The following BICC1 variants were observed in gnomAD, a reference collection of about 807,000 sequenced individuals.
BICC1 encodes the protein protein bicaudal C homolog 1.
BICC1 carries 43 observed loss-of-function variants against 111.0 expected under a neutral mutation model. That is an observed-to-expected ratio of 0.39 (90% CI 0.30 to 0.50). The LOEUF is 0.50. Ranked by LOEUF, BICC1 falls within the 20% of genes least tolerant of loss-of-function variation. The probability of loss-of-function intolerance (pLI) is 0.88; values close to 1 mark genes in which losing one functional copy is unlikely to be tolerated. For synonymous variants in BICC1, 467 were observed against 434.4 expected, an observed-to-expected ratio of 1.07 and a Z score of -0.93; for missense variants, 1,091 against 1,203.2, an observed-to-expected ratio of 0.91 and a Z score of 1.38.
chr10:58,810,864 C>A (rs1843880551), intron 17 of BICC1, among the ~76,000 whole-genome samples: 1 of 152,120 alleles, frequency 6.6e-6, no homozygotes, highest in Non-Finnish European at 1.5e-5. Context: ...GAATGCCGAT[C>A]TGTAAAAAGA....
intron 2 of BICC1, among the ~76,000 whole-genome samples, chr10:58,652,177 A>G (rs1395871424): frequency 6.6e-6 from 1 of 152,134 alleles, no homozygotes; most frequent in African/African-American, 2.4e-5. Flanking sequence ...AAGAAACTAG[A>G]TGAACATAAC....
rs141088950 is a variant in BICC1 at position 58,519,110 on chromosome 10, A to G, written c.190+5777A>G. On this transcript the variant is annotated intron_variant, in intron 1 of 20. Coordinates refer to ENST00000373886, the MANE Select transcript of BICC1 (RefSeq NM_001080512.3). The stretch of plus-strand genomic sequence containing the variant: ...CAGTCCAGGCTCCAAGAGCTGCTCA[A>G]GGGCATCAGGAGCCCCGTGTCTTCC... 1.7e-3 allele frequency among the ~76,000 whole-genome samples: 263 copies of G among 152,314 alleles called. 2 individuals carry two copies. Among genetic ancestry groups the G allele is most frequent in the Middle Eastern group, 6.8e-3 (2 of 294 alleles).
intron 1 of BICC1, among the ~76,000 whole-genome samples, chr10:58,542,961 G>C (rs1843035072): frequency 6.6e-6 from 1 of 151,956 alleles, no homozygotes; most frequent in Non-Finnish European, 1.5e-5. Context: ...TGATATAGAG[G>C]CTCCTCAAAA....
At chr10:58,637,248 G>A (rs2132196596) in intron 2 of BICC1, among the ~76,000 whole-genome samples, 1 of 152,278 alleles carries the variant, frequency 6.6e-6, no homozygotes, top group South Asian at 2.1e-4. Context: ...AAGTTCTCAT[G>A]TAATAGGATA....
At chr10:58,635,068 A>G (rs1005015055) in intron 2 of BICC1, among the ~76,000 whole-genome samples, 9 of 152,192 alleles carry the variant, frequency 5.9e-5, no homozygotes, top group Non-Finnish European at 1.0e-4. Context: ...CTGTTGTTCA[A>G]GAGTCAACTG....
At chr10:58,626,536 A>G (rs1431723361) in intron 2 of BICC1, among the ~76,000 whole-genome samples, 1 of 152,170 alleles carries the variant, frequency 6.6e-6, no homozygotes, top group Non-Finnish European at 1.5e-5. Context: ...AGGGTTAGTG[A>G]GAAGAGATTA....
At chr10:58,577,392 G>A (rs1844144242) in intron 1 of BICC1, among the ~76,000 whole-genome samples, 2 of 152,148 alleles carry the variant, frequency 1.3e-5, no homozygotes, top group Admixed American at 6.6e-5. Flanking sequence ...AAAAGATAGG[G>A]AGTCGAGACT....
rs1258577978 is a variant in BICC1, at chr10:58,729,983, T to C, written c.307+27840T>C. On this transcript the variant is annotated intron_variant, in intron 3 of 20. Coordinates refer to ENST00000373886, the MANE Select transcript of BICC1 (RefSeq NM_001080512.3). ...CCACAGATCTCATATCCTTCTCACA[T>C]TGCAAAATACAATCATGCCTTCCCA... Among the ~76,000 whole-genome samples, 13 of 152,266 alleles carry C rather than the reference T, an allele frequency of 8.5e-5. No individual in the cohort carries two copies. The East Asian group carries it at 2.5e-3, about 29-fold the overall frequency.
intron 3 of BICC1, among the ~76,000 whole-genome samples, chr10:58,773,838 G>A (rs1033397454): frequency 2.0e-5 from 3 of 152,192 alleles, no homozygotes; most frequent in African/African-American, 7.2e-5. Flanking sequence ...ATTGCTTAAC[G>A]TTAATAGGCG....
At chr10:58,676,294 G>A (rs1839339314) in intron 2 of BICC1, among the ~76,000 whole-genome samples, 1 of 152,160 alleles carries the variant, frequency 6.6e-6, no homozygotes, top group Non-Finnish European at 1.5e-5. Flanking sequence ...TACCCTGGAA[G>A]GGGGGCTGAA....
At chr10:58,521,768 GTTTTTTTTTTTTTT>G (rs573116230) in intron 1 of BICC1, among the ~76,000 whole-genome samples, 95 of 112,798 alleles carry the variant, frequency 8.4e-4, no homozygotes, top group Non-Finnish European at 1.2e-3. Context: ...GGAATGTGGT[GTTTTTTTTTTTTTT>G]TTTTTTTTTT....
chr10:58,800,171 A>G (rs764043396), intron 12 of BICC1, 23 bp from the exon 13 acceptor site: 7 of 1,531,110 alleles, frequency 4.6e-6, no homozygotes, highest in Middle Eastern at 2.0e-4. Flanking sequence ...ATATTTATAC[A>G]TTATTTTCTA....
chr10:58,520,407 C>T (rs1375403285), intron 1 of BICC1, among the ~76,000 whole-genome samples: 3 of 152,076 alleles, frequency 2.0e-5, no homozygotes, highest in Non-Finnish European at 4.4e-5. Context: ...CTCCAGAGAG[C>T]ACAAAACCAT....
chr10:58,538,628 G>A (rs929229661), intron 1 of BICC1, among the ~76,000 whole-genome samples: 3 of 151,868 alleles, frequency 2.0e-5, no homozygotes, highest in Non-Finnish European at 4.4e-5. Context: ...TTAAACAAAA[G>A]CTTCTGCACA....
chr10:58,652,048 A>G (rs905923132), intron 2 of BICC1, among the ~76,000 whole-genome samples: 2 of 152,168 alleles, frequency 1.3e-5, no homozygotes, highest in African/African-American at 4.8e-5. Flanking sequence ...TTCATATTTA[A>G]TAGTTCAGAA....
chr10:58,563,483 T>G (rs767066041), intron 1 of BICC1, among the ~76,000 whole-genome samples: 4 of 152,212 alleles, frequency 2.6e-5, no homozygotes, highest in Non-Finnish European at 5.9e-5. Flanking sequence ...AAGCCAATCC[T>G]TGCTGGATGC....
At chr10:58,772,061 C>T (rs76392603) in intron 3 of BICC1, among the ~76,000 whole-genome samples, 23 of 152,252 alleles carry the variant, frequency 1.5e-4, no homozygotes, top group African/African-American at 5.3e-4. Context: ...CACTGTGACT[C>T]CAGTTTCTAG....
At chr10:58,521,480 G>A (rs985827407) in intron 1 of BICC1, among the ~76,000 whole-genome samples, 1 of 152,050 alleles carries the variant, frequency 6.6e-6, no homozygotes, top group African/African-American at 2.4e-5. Context: ...GGGGAGCAAA[G>A]GACATGGAAA....
chr10:58,613,578 G>A (rs1454962834), intron 1 of BICC1, among the ~76,000 whole-genome samples: 1 of 152,086 alleles, frequency 6.6e-6, no homozygotes. Context: ...TTCCGATCCA[G>A]CTCTCTAATG....
Sources: allele counts gnomAD v4.1 joint callset (sites outside exome capture counted in the v4.1 genomes callset), GRCh38; gene constraint gnomAD v4.1.1; transcripts MANE v1.5; gene names NCBI Gene and HGNC (gene_info 2026-07-23, HGNC 2026-07-21).